The following YAP1 variants were observed in gnomAD, a reference collection of about 807,000 sequenced individuals.
YAP1 encodes transcriptional coactivator YAP1.
In YAP1, 5 loss-of-function variants were observed where a neutral mutation model predicts 56.9. That is an observed-to-expected ratio of 0.09 (90% CI 0.05 to 0.18). YAP1 has a LOEUF of 0.18. Among genes scored for constraint, YAP1 ranks in the 10% least tolerant of loss-of-function variants. YAP1 has a pLI of 1.00. For synonymous variants in YAP1, 265 were observed against 248.1 expected (o/e 1.07, Z -0.64); for missense variants, 539 against 651.8 (o/e 0.83, Z 1.88).
intron 2 of YAP1, among the ~76,000 whole-genome samples, chr11:102,139,101 T>G (rs1944854450): frequency 6.6e-6 from 1 of 152,178 alleles, no homozygotes; most frequent in Admixed American, 6.5e-5. Flanking sequence ...AAAACTGATT[T>G]AATCCATTGT....
At chr11:102,168,222 T>C (rs1352461593) in intron 3 of YAP1, among the ~76,000 whole-genome samples, 1 of 152,158 alleles carries the variant, frequency 6.6e-6, no homozygotes, top group African/African-American at 2.4e-5. Context: ...GCTCTATGTG[T>C]ATGATATATA....
At chr11:102,216,432 A>G (rs7104685) in intron 6 of YAP1, among the ~76,000 whole-genome samples, 66,821 of 152,000 alleles carry the variant, frequency 0.44, 14,937 homozygotes, top group East Asian at 0.59. Context: ...CCATTATATT[A>G]CATTTAAAAA....
chr11:102,212,685 A>G (rs1949465092), intron 6 of YAP1, among the ~76,000 whole-genome samples: 1 of 151,996 alleles, frequency 6.6e-6, no homozygotes, highest in African/African-American at 2.4e-5. Context: ...CCCGGGTTCA[A>G]ATGATTCTGC....
At chr11:102,207,547 C>T (rs1220467897) in intron 5 of YAP1, among the ~76,000 whole-genome samples, 14 of 151,586 alleles carry the variant, frequency 9.2e-5, no homozygotes, top group Admixed American at 9.2e-4. Context: ...AAAAGCTCTA[C>T]ATTTCTGTTA....
At chr11:102,200,304 G>T (rs1361770621) in intron 4 of YAP1, among the ~76,000 whole-genome samples, 10 of 152,198 alleles carry the variant, frequency 6.6e-5, no homozygotes, top group African/African-American at 2.2e-4. Flanking sequence ...AGAAAAAATT[G>T]CAGTGGATCA....
intron 6 of YAP1, among the ~76,000 whole-genome samples, chr11:102,221,322 T>G (rs1226561365): frequency 1.3e-5 from 2 of 149,914 alleles, no homozygotes; most frequent in Non-Finnish European, 3.0e-5. Context: ...TTGGTGTTTG[T>G]TTTTTTTTAA....
chr11:102,160,084 C>T (rs1310343759), intron 2 of YAP1, among the ~76,000 whole-genome samples: 1 of 129,318 alleles, frequency 7.7e-6, no homozygotes, highest in Non-Finnish European at 1.5e-5. Context: ...AGTGCAATGG[C>T]GTGATCTTGG....
intron 4 of YAP1, among the ~76,000 whole-genome samples, chr11:102,204,186 G>A (rs1024631609): frequency 4.0e-5 from 6 of 149,468 alleles, no homozygotes; most frequent in Non-Finnish European, 7.4e-5. Context: ...TTGAAGCCAG[G>A]CATTTGAGAC....
chr11:102,197,102 T>G (rs535566409), intron 4 of YAP1, among the ~76,000 whole-genome samples: 26 of 152,316 alleles, frequency 1.7e-4, no homozygotes, highest in African/African-American at 6.3e-4. Context: ...AGTTTGTGTT[T>G]TTAGAAGAAC....
chr11:102,228,416 C>G (rs907060850), intron 8 of YAP1, among the ~76,000 whole-genome samples: 23 of 151,818 alleles, frequency 1.5e-4, no homozygotes, highest in African/African-American at 5.6e-4. Flanking sequence ...AGCCAGATCA[C>G]GTGAGGTCAT....
intron 3 of YAP1, among the ~76,000 whole-genome samples, chr11:102,166,165 A>G (rs1946594799): frequency 6.6e-6 from 1 of 152,212 alleles, no homozygotes; most frequent in Admixed American, 6.5e-5. Flanking sequence ...TATCTTAAAT[A>G]TATATGAATT....
chr11:102,216,391 T>G (rs1949668666), intron 6 of YAP1, among the ~76,000 whole-genome samples: 1 of 152,322 alleles, frequency 6.6e-6, no homozygotes, highest in Admixed American at 6.5e-5. Flanking sequence ...AATCCGAATG[T>G]TTAATCAAAA....
chr11:102,201,297 AG>A (rs1421191727), intron 4 of YAP1, among the ~76,000 whole-genome samples: 1 of 152,224 alleles, frequency 6.6e-6, no homozygotes, highest in Non-Finnish European at 1.5e-5. Context: ...AAGTATGCAT[AG>A]TATGCTACCA....
chr11:102,123,480 T>C (rs551177818), intron 2 of YAP1, among the ~76,000 whole-genome samples: 1 of 152,232 alleles, frequency 6.6e-6, no homozygotes, highest in South Asian at 2.1e-4. Context: ...CCCTAGAAAT[T>C]TGCAGAAGAA....
chr11:102,141,411 A>G (rs1392761182), intron 2 of YAP1, among the ~76,000 whole-genome samples: 1 of 152,228 alleles, frequency 6.6e-6, no homozygotes, highest in Non-Finnish European at 1.5e-5. Flanking sequence ...GATTGAGAGC[A>G]ATGCAGTCCC....
chr11:102,228,928 C>T (rs1455319218), intron 8 of YAP1, among the ~76,000 whole-genome samples: 1 of 152,194 alleles, frequency 6.6e-6, no homozygotes, highest in Non-Finnish European at 1.5e-5. Flanking sequence ...CACTACCCCT[C>T]CTCTCTGATT....
At chr11:102,142,522 C>T (rs1178093765) in intron 2 of YAP1, among the ~76,000 whole-genome samples, 1 of 152,232 alleles carries the variant, frequency 6.6e-6, no homozygotes, top group East Asian at 1.9e-4. Context: ...AAAGGGCCGT[C>T]TTCAGCCTTC....
chr11:102,230,022 G>C lies in YAP1; in HGVS notation c.*82G>C, dbSNP rs556459420. ...CGGAAATTTCCATAAGCCAGTTGCA[G>C]TTTTCAGGCTAATACAGAAAAAGAT... On this transcript the variant is annotated 3_prime_UTR_variant, in exon 9 of 9. Transcript: ENST00000282441. The C allele has an allele frequency of 8.4e-7, 1 of 1,192,634 alleles. No homozygotes were observed. Among genetic ancestry groups the C allele is most frequent in the African/African-American group, 1.5e-5 (1 of 65,850 alleles). The allele number at this position is 1,192,634 out of a possible 1,614,324, so 73.9% of individuals were successfully genotyped here.
At chr11:102,111,401 T>C (rs1254265936) in intron 1 of YAP1, among the ~76,000 whole-genome samples, 1 of 151,846 alleles carries the variant, frequency 6.6e-6, no homozygotes, top group Non-Finnish European at 1.5e-5. Context: ...TCTGAGTTTC[T>C]CTCTGCGGTT....
Sources: gnomAD v4.1 joint callset for allele counts (sites outside exome capture counted in the v4.1 genomes callset) on GRCh38, gnomAD v4.1.1 for gene constraint, MANE v1.5 for transcripts, NCBI Gene and HGNC (gene_info 2026-07-23, HGNC 2026-07-21) for gene names.